The following HECTD4 variants were observed in gnomAD, a reference collection of about 807,000 sequenced individuals.
HECTD4 encodes the protein probable E3 ubiquitin-protein ligase HECTD4.
Under a neutral mutation model 471.5 loss-of-function variants are expected in HECTD4, and 114 were observed. That is an observed-to-expected ratio of 0.24 (90% CI 0.21 to 0.28). HECTD4 has a LOEUF of 0.28. HECTD4 is among the 10% of genes least tolerant of loss of function. HECTD4 has a pLI of 1.00. For missense variants in HECTD4, 3,866 were observed against 5,651.5 expected (o/e 0.68, Z 10.13); for synonymous variants, 2,012 against 2,256.0 (o/e 0.89, Z 3.07).
chr12:112,311,303 A>G (rs1183447919), intron 4 of HECTD4, among the ~76,000 whole-genome samples: 2 of 151,944 alleles, frequency 1.3e-5, no homozygotes, highest in African/African-American at 2.4e-5. Context: ...TAAAAACTAT[A>G]TAAGAAAAAC....
At chr12:112,376,811 A>C (rs1289998669) in intron 1 of HECTD4, among the ~76,000 whole-genome samples, 1 of 151,906 alleles carries the variant, frequency 6.6e-6, no homozygotes, top group Admixed American at 6.6e-5. Flanking sequence ...TTTTGTGTCC[A>C]CCCTATATAA....
Position 112,192,678 on chromosome 12 carries a change from G to A in HECTD4, c.9174C>T (p.Ile3058=), listed in dbSNP as rs749480098. The A allele has an allele frequency of 8.1e-6, 13 of 1,604,108 alleles. No homozygotes were observed. The highest frequency in any genetic ancestry group is 1.7e-4 in the Middle Eastern group (1 of 6,050). Residue 3058 remains isoleucine, a synonymous_variant, in exon 59 of 76, where the codon ATC becomes ATT. Coordinates refer to ENST00000682272, the MANE Select transcript of HECTD4 (RefSeq NM_001388303.1). ...CGTCCCGCGGGTAACAGGCGGCCTC[G>A]ATGAGGTTCAGCTGGCCATTTCGCT... The part of the protein sequence containing the change: ...KVKRNGQLNL[I]EAACYPRDAS...
intron 13 of HECTD4, among the ~76,000 whole-genome samples, chr12:112,268,145 T>A (rs953079313): frequency 3.3e-5 from 5 of 152,040 alleles, no homozygotes; most frequent in African/African-American, 1.2e-4. Flanking sequence ...TTAATTGAGG[T>A]TTAACATTTA....
intron 7 of HECTD4, among the ~76,000 whole-genome samples, chr12:112,289,545 A>G (rs1438854739): frequency 6.6e-6 from 1 of 152,178 alleles, no homozygotes; most frequent in Non-Finnish European, 1.5e-5. Context: ...ATGGAGGAAT[A>G]CAGATGGTGT....
At chr12:112,272,250 G>A (rs546087523) in intron 11 of HECTD4, among the ~76,000 whole-genome samples, 28 of 152,150 alleles carry the variant, frequency 1.8e-4, no homozygotes, top group Admixed American at 5.9e-4. Context: ...GGGTTTCCCC[G>A]TGTTGGCCAG....
At position 112,185,111 on chromosome 12, in the gene HECTD4, G is replaced by A. The variant is rs1191230460; in HGVS notation, c.9855C>T (p.Ala3285=). ...AGGAGGACGAGTCACTGAGATTTGGGGCGGTCGCTGAGGTCACCCCACTGG... is the reference window on the plus strand; with the variant it reads ...AGGAGGACGAGTCACTGAGATTTGGAGCGGTCGCTGAGGTCACCCCACTGG... ...VTASGVTSAT[A]PNLSDSSSSS... Residue 3285 remains alanine (A), a synonymous_variant, in exon 61 of 76, where the codon GCC becomes GCT. Coordinates refer to ENST00000682272, the MANE Select transcript of HECTD4 (RefSeq NM_001388303.1). The A allele has an allele frequency of 1.3e-6, 2 of 1,562,836 alleles. No homozygotes were observed. The highest frequency in any genetic ancestry group is 1.2e-5 in the South Asian group (1 of 84,964).
Position 112,184,900 on chromosome 12 carries a change from G to T in HECTD4, c.10066C>A (p.Arg3356Ser), listed in dbSNP as rs1343014300. Residue 3356 changes from arginine (R) to serine (S), a missense_variant, in exon 61 of 76, where the codon CGC (arginine) becomes AGC (serine). Transcript: ENST00000682272. This position sits in a 1 kb window ranked among gnomAD's most constrained non-coding sequence, Gnocchi z 9.1. ...AGGATGATGAGCAGGGTGAGTGCGC[G>T]GTGGAACCACAGCATGTCCTCGGGC... ...SKPEDMLWFH[R>S]ALTLLIILRH... 6.2e-7 allele frequency: 1 copy of T among 1,612,954 alleles called. No homozygotes were observed. The highest frequency in any genetic ancestry group is 8.5e-7 in the Non-Finnish European group (1 of 1,179,358).
intron 62 of HECTD4, among the ~76,000 whole-genome samples, chr12:112,180,356 T>C (rs2031621777): frequency 6.6e-6 from 1 of 152,080 alleles, no homozygotes; most frequent in Admixed American, 6.5e-5. Context: ...AAGACCAGCC[T>C]GGGCAATATG....
At chr12:112,336,477 C>T (rs1347404579) in intron 1 of HECTD4, among the ~76,000 whole-genome samples, 3 of 151,388 alleles carry the variant, frequency 2.0e-5, no homozygotes, top group Non-Finnish European at 2.9e-5. Context: ...GAGCCGAGAT[C>T]GCTCCACTGC....
In HECTD4 at chr12:112,239,357, T is replaced by C. The variant is rs1171652342; in HGVS notation, c.5106-121A>G. ...GCAGCTCTTTCCCTACAACTTAGGATACTGCCATGTGCAATCAAACACAAA... is the reference window on the plus strand; with the variant it reads ...GCAGCTCTTTCCCTACAACTTAGGACACTGCCATGTGCAATCAAACACAAA... On this transcript the variant is annotated intron_variant, in intron 33 of 75. Transcript: ENST00000682272. This position sits in a 1 kb window ranked among gnomAD's most constrained non-coding sequence, Gnocchi z 4.9. 2 of 741,504 alleles carry C rather than the reference T, an allele frequency of 2.7e-6. No homozygotes were observed. The highest frequency in any genetic ancestry group is 4.1e-6 in the Non-Finnish European group (2 of 482,162). 45.9% of individuals were successfully genotyped at this position (741,504 alleles called of 1,614,324 possible). A position where few individuals can be genotyped will look rare whatever the true frequency, so the allele number is the denominator to read the frequency against.
In HECTD4 at chr12:112,279,310, C is replaced by A; in HGVS notation, c.1605G>T (p.Met535Ile). The A allele has an allele frequency of 1.2e-6, 2 of 1,613,312 alleles. No homozygotes were observed. The highest frequency in any genetic ancestry group is 1.7e-6 in the Non-Finnish European group (2 of 1,179,662). The change falls in exon 9 of 76, where the codon ATG (methionine) becomes ATT (isoleucine). Residue 535 changes from methionine (M) to isoleucine (I), a missense_variant. Met to Ile is a conservative substitution (Grantham distance 10). Transcript: ENST00000682272. Reference protein sequence around the residue: ...PIYTCGTYLVMLVPPPGGSGS... With the variant: ...PIYTCGTYLVILVPPPGGSGS... ...CTGATCCCCCTGGAGGAGGCACCAG[C>A]ATCACCAAGTAGGTGCCACAGGTAT...
chr12:112,361,234 C>T (rs1343245138), intron 1 of HECTD4, among the ~76,000 whole-genome samples: 2 of 152,088 alleles, frequency 1.3e-5, no homozygotes, highest in Non-Finnish European at 2.9e-5. Flanking sequence ...TGTCATATGT[C>T]AGTTGCTATT....
intron 48 of HECTD4, among the ~76,000 whole-genome samples, chr12:112,215,657 T>G (rs1203522176): frequency 6.6e-6 from 1 of 152,204 alleles, no homozygotes; most frequent in African/African-American, 2.4e-5. Context: ...CTCTGTTTTT[T>G]GAGATAGGGT....
Position 112,194,877 on chromosome 12 carries a change from A to G in HECTD4, c.8749+8T>C, listed in dbSNP as rs1212121249. ...TTCCAGAGTGACAGCAGCAAAGCCAAGTTTTACCTGGGAGAGGAGGTGCGA... is the reference window on the plus strand; with the variant it reads ...TTCCAGAGTGACAGCAGCAAAGCCAGGTTTTACCTGGGAGAGGAGGTGCGA... On this transcript the variant is annotated splice_region_variant and intron_variant, in intron 56 of 75. Transcript: ENST00000682272. This position sits in a 1 kb window ranked among gnomAD's most constrained non-coding sequence, Gnocchi z 4.6. 6.2e-7 allele frequency: 1 copy of G among 1,601,228 alleles called. No individual in the cohort carries two copies. The highest frequency in any genetic ancestry group is 8.5e-7 in the Non-Finnish European group (1 of 1,174,118).
intron 49 of HECTD4, 125 bp downstream of exon 49, chr12:112,212,362 C>G (rs1302975089): frequency 2.7e-6 from 2 of 750,242 alleles, no homozygotes; most frequent in East Asian, 5.0e-5. Flanking sequence ...CTCTGCCCTT[C>G]CTCTGCCATT....
chr12:112,274,539 C>T (rs2034485662), intron 10 of HECTD4, among the ~76,000 whole-genome samples: 1 of 152,048 alleles, frequency 6.6e-6, no homozygotes, highest in Admixed American at 6.6e-5. Context: ...GACCTTGGCT[C>T]TACAAAAAAT....
At chr12:112,195,090 A>G in intron 55 of HECTD4, 24 bp from the exon 56 acceptor site, 2 of 1,570,488 alleles carry the variant, frequency 1.3e-6, no homozygotes, top group South Asian at 2.3e-5. Context: ...GGTGGGTGAG[A>G]TACTCAAAGC....
chr12:112,316,052 A>C (rs1217512029), intron 2 of HECTD4, among the ~76,000 whole-genome samples: 6 of 152,124 alleles, frequency 3.9e-5, no homozygotes, highest in South Asian at 2.1e-4. Context: ...TCAGATTTTA[A>C]GAGTAAAATG....
At chr12:112,204,958 C>A (rs920056368) in intron 52 of HECTD4, among the ~76,000 whole-genome samples, 3 of 151,808 alleles carry the variant, frequency 2.0e-5, no homozygotes, top group African/African-American at 7.2e-5. Flanking sequence ...CATGGTGAAA[C>A]CCCGTCTCTA....
Sources: allele counts gnomAD v4.1 joint callset (sites outside exome capture counted in the v4.1 genomes callset), GRCh38; gene constraint gnomAD v4.1.1; non-coding constraint Gnocchi (gnomAD v3.1); transcripts MANE v1.5; gene names NCBI Gene and HGNC (gene_info 2026-07-23, HGNC 2026-07-21).